Variants in DCTN6 observed in about 807,000 individuals in gnomAD.
The protein encoded by DCTN6 is dynactin subunit 6, also known as dynactin 6.
In DCTN6, 15 loss-of-function variants were observed where a neutral mutation model predicts 25.8. The observed-to-expected ratio is 0.58, with a 90% CI of 0.39 to 0.89. DCTN6 has a LOEUF of 0.89. Ranked by LOEUF, DCTN6 falls within the 40% of genes least tolerant of loss-of-function variation. The pLI is 0.00. For synonymous variants in DCTN6, 64 were observed against 78.3 expected (o/e 0.82, Z 0.96); for missense variants, 198 against 237.6 (o/e 0.83, Z 1.09).
At chr8:30,166,791 T>A (rs1803682421) in intron 2 of DCTN6, among the ~76,000 whole-genome samples, 2 of 152,178 alleles carry the variant, frequency 1.3e-5, no homozygotes, top group South Asian at 4.1e-4. Flanking sequence ...TCCCTACATG[T>A]TGAAATTATT....
intron 2 of DCTN6, among the ~76,000 whole-genome samples, chr8:30,170,201 A>G (rs1803745100): frequency 6.6e-6 from 1 of 152,070 alleles, no homozygotes; most frequent in African/African-American, 2.4e-5. Flanking sequence ...TCACCAAACC[A>G]AAATCTAGCG....
In DCTN6 at chr8:30,179,471, A is replaced by T. The variant is rs757617028; in HGVS notation, c.331+16A>T. 6.2e-7 allele frequency: 1 copy of T among 1,607,134 alleles called. No homozygotes were observed. The highest frequency in any genetic ancestry group is 1.1e-5 in the South Asian group (1 of 90,280). ...GAATCAAAAGGTAAGCTACATTCAG[A>T]GTTTCATTGTCAAAGCAGTGACCTC... is the stretch of plus-strand genomic sequence containing the variant. On this transcript the variant is annotated intron_variant, in intron 5 of 6. Coordinates refer to ENST00000221114, the MANE Select transcript of DCTN6 (RefSeq NM_006571.4).
chr8:30,178,248 G>A (rs1563231507), intron 4 of DCTN6, among the ~76,000 whole-genome samples: 1 of 152,078 alleles, frequency 6.6e-6, no homozygotes, highest in Non-Finnish European at 1.5e-5. Context: ...CAGATCACCT[G>A]AGGTTGGGAG....
intron 2 of DCTN6, among the ~76,000 whole-genome samples, chr8:30,172,888 G>A (rs1431572930): frequency 6.6e-6 from 1 of 152,182 alleles, no homozygotes; most frequent in East Asian, 1.9e-4. Context: ...ATGTGAATAT[G>A]TGTTATATAT....
chr8:30,164,515 C>T (rs1025481764), intron 2 of DCTN6, among the ~76,000 whole-genome samples: 1 of 152,200 alleles, frequency 6.6e-6, no homozygotes, highest in Non-Finnish European at 1.5e-5. Flanking sequence ...TGTGGAGCTT[C>T]GTGGAGAGCG....
chr8:30,167,117 G>A (rs1199587659), intron 2 of DCTN6, among the ~76,000 whole-genome samples: 1 of 150,360 alleles, frequency 6.7e-6, no homozygotes, highest in Non-Finnish European at 1.5e-5. Context: ...GAAAGAGAAA[G>A]GGAAGGAAGG....
At chr8:30,166,913 A>G (rs925142360) in intron 2 of DCTN6, among the ~76,000 whole-genome samples, 2 of 151,826 alleles carry the variant, frequency 1.3e-5, no homozygotes, top group Non-Finnish European at 2.9e-5. Flanking sequence ...TGTGGAAAAT[A>G]TAGTGGGACC....
At chr8:30,168,429 G>T (rs1252376666) in intron 2 of DCTN6, among the ~76,000 whole-genome samples, 3 of 152,174 alleles carry the variant, frequency 2.0e-5, no homozygotes, top group African/African-American at 7.2e-5. Context: ...AAAGAGTGGA[G>T]ATAAGTCATC....
At chr8:30,156,456 G>GA in intron 1 of DCTN6, 50 bp downstream of exon 1, 1 of 1,574,038 alleles carries the variant, frequency 6.4e-7, no homozygotes, top group Non-Finnish European at 8.6e-7. Context: ...CGTAGGGGTG[G>GA]AACCTGTTCC....
At position 30,183,410 on chromosome 8, in the gene DCTN6, C is replaced by G. The variant is rs1803935948; in HGVS notation, c.*237C>G. 1 of 325,498 alleles carries G rather than the reference C, an allele frequency of 3.1e-6. No individual in the cohort carries two copies. The highest frequency in any genetic ancestry group is 5.6e-6 in the Non-Finnish European group (1 of 179,572). The allele number at this position is 325,498 out of a possible 1,614,324, so 20.2% of individuals were successfully genotyped here. A position where few individuals can be genotyped will look rare whatever the true frequency, so the allele number is the denominator to read the frequency against. ...CTGATAATTTACAGATTTAGCTTTT[C>G]TTTTGTTATATAAACTGCTAGCCAC... On this transcript the variant is annotated 3_prime_UTR_variant, in exon 7 of 7. Coordinates refer to ENST00000221114, the MANE Select transcript of DCTN6 (RefSeq NM_006571.4).
At chr8:30,158,020 TCACCTCTCTGCTCC>T (rs141509674) in intron 1 of DCTN6, among the ~76,000 whole-genome samples, 3,947 of 152,270 alleles carry the variant, frequency 0.026, 50 homozygotes, top group Non-Finnish European at 0.032. Flanking sequence ...ATCTGCCGGC[TCACCTCTCTGCTCC>T]CACCACTCCG....
intron 6 of DCTN6, among the ~76,000 whole-genome samples, chr8:30,181,344 A>G (rs1167868753): frequency 6.6e-6 from 1 of 152,198 alleles, no homozygotes; most frequent in Non-Finnish European, 1.5e-5. Context: ...GGGTGTGTCT[A>G]TTTATTGCCA....
intron 2 of DCTN6, among the ~76,000 whole-genome samples, chr8:30,173,009 C>T (rs1042339517): frequency 6.6e-6 from 1 of 152,292 alleles, no homozygotes; most frequent in Middle Eastern, 3.4e-3. Context: ...CATCTTCCAT[C>T]CTGAAATCTT....
intron 2 of DCTN6, among the ~76,000 whole-genome samples, chr8:30,174,168 C>T (rs1803800920): frequency 6.6e-6 from 1 of 152,192 alleles, no homozygotes; most frequent in African/African-American, 2.4e-5. Flanking sequence ...CTTCTGCTGC[C>T]TCCCTTTAAC....
At chr8:30,170,537 T>A (rs1419800620) in intron 2 of DCTN6, among the ~76,000 whole-genome samples, 1 of 152,154 alleles carries the variant, frequency 6.6e-6, no homozygotes, top group African/African-American at 2.4e-5. Flanking sequence ...TTATTAATAA[T>A]GATAAAGACA....
intron 2 of DCTN6, among the ~76,000 whole-genome samples, chr8:30,166,319 CTT>C (rs200865266): frequency 1.1e-4 from 13 of 120,100 alleles, no homozygotes; most frequent in Admixed American, 1.7e-4. Flanking sequence ...TTTTTTCTTT[CTT>C]TTTTTTTTTT....
rs1406478670 is a variant in DCTN6 at position 30,183,354 on chromosome 8, TG to T, written c.*182del. On this transcript the variant is annotated 3_prime_UTR_variant, in exon 7 of 7. Coordinates refer to ENST00000221114, the MANE Select transcript of DCTN6 (RefSeq NM_006571.4). ...AACTGTCCTTTGTAATTTATATAAA[TG>T]TATTATTTTCCTATATCCTTGGTTC... 4.7e-5 allele frequency: 20 copies of T among 426,252 alleles called. No homozygotes were observed. The highest frequency in any genetic ancestry group is 3.7e-4 in the African/African-American group (18 of 48,894). The allele number at this position is 426,252 out of a possible 1,614,324, so 26.4% of individuals were successfully genotyped here. A position where few individuals can be genotyped will look rare whatever the true frequency, so the allele number is the denominator to read the frequency against.
At chr8:30,168,077 C>T (rs1255430496) in intron 2 of DCTN6, among the ~76,000 whole-genome samples, 1 of 152,164 alleles carries the variant, frequency 6.6e-6, no homozygotes, top group Non-Finnish European at 1.5e-5. Context: ...GTTATATTTA[C>T]TTTGACCCAG....
chr8:30,178,302 A>G (rs1275038333), intron 4 of DCTN6, among the ~76,000 whole-genome samples: 3 of 151,990 alleles, frequency 2.0e-5, no homozygotes, highest in Admixed American at 6.6e-5. Flanking sequence ...CGTCTCTACT[A>G]AAAATACAAA....
Sources: allele counts gnomAD v4.1 joint callset (sites outside exome capture counted in the v4.1 genomes callset), GRCh38; gene constraint gnomAD v4.1.1; transcripts MANE v1.5; gene names NCBI Gene and HGNC (gene_info 2026-07-23, HGNC 2026-07-21).